The following LTBP2 variants were observed in gnomAD, a reference collection of about 807,000 sequenced individuals.
The protein encoded by LTBP2 is latent-transforming growth factor beta-binding protein 2.
In LTBP2, 103 loss-of-function variants were observed where a neutral mutation model predicts 210.6. The observed-to-expected ratio is 0.49, with a 90% CI of 0.42 to 0.58. The LOEUF is 0.58. Ranked by LOEUF, LTBP2 falls within the 20% of genes least tolerant of loss-of-function variation. The probability of loss-of-function intolerance (pLI) is 0.00; values close to 1 mark genes in which losing one functional copy is unlikely to be tolerated. For synonymous variants in LTBP2, 1,007 were observed against 1,015.0 expected, an observed-to-expected ratio of 0.99 and a Z score of 0.15; for missense variants, 2,313 against 2,494.5, an observed-to-expected ratio of 0.93 and a Z score of 1.55.
At chr14:74,580,362 G>A (rs150614357) in intron 3 of LTBP2, among the ~76,000 whole-genome samples, 1 of 152,316 alleles carries the variant, frequency 6.6e-6, no homozygotes, top group East Asian at 1.9e-4. Context: ...CTTCACACTG[G>A]ATTAGGGAGG....
chr14:74,604,291 C>T (rs1474542379), intron 1 of LTBP2, among the ~76,000 whole-genome samples: 1 of 152,066 alleles, frequency 6.6e-6, no homozygotes, highest in Non-Finnish European at 1.5e-5. Context: ...GAGGTGTTAC[C>T]TGCCAACGAA....
intron 31 of LTBP2, 38 bp from the exon 32 acceptor site, chr14:74,503,644 G>A (rs1566612362): frequency 1.2e-6 from 2 of 1,610,178 alleles, no homozygotes; most frequent in East Asian, 4.5e-5. Flanking sequence ...TGCCAAGGTG[G>A]CCTTTCCACC....
At chr14:74,528,381 A>C in intron 12 of LTBP2, 102 bp downstream of exon 12, 1 of 1,333,610 alleles carries the variant, frequency 7.5e-7, no homozygotes. Context: ...TGCCACAGAG[A>C]TGGGATGCCC....
intron 28 of LTBP2, 34 bp from the exon 29 acceptor site, chr14:74,505,208 A>C (rs748674655): frequency 7.5e-6 from 12 of 1,606,658 alleles, no homozygotes; most frequent in Non-Finnish European, 1.0e-5. Flanking sequence ...CTGTCTGTTC[A>C]TGACCCTCTA....
At position 74,528,998 on chromosome 14, in the gene LTBP2, T is replaced by C. The variant is rs761974448; in HGVS notation, c.2112A>G (p.Ala704=). Residue 704 remains alanine (A), a synonymous_variant, in exon 11 of 36, where the codon GCA becomes GCG. Coordinates refer to ENST00000261978, the MANE Select transcript of LTBP2 (RefSeq NM_000428.3). ...QICCCSRVGK[A]WGSECEKCPL... is the part of the protein sequence containing the mutation. ...GGCATTTCTCACACTCGCTGCCCCA[T>C]GCTTTGCCCACGCGGCTGCAGCAGC... is the stretch of plus-strand genomic sequence containing the variant. The C allele has an allele frequency of 4.4e-6, 7 of 1,608,908 alleles. No individual in the cohort carries two copies. In the African/African-American group the frequency reaches 8.0e-5, roughly 18 times the overall value.
intron 8 of LTBP2, among the ~76,000 whole-genome samples, chr14:74,545,915 G>A (rs902689418): frequency 6.6e-6 from 1 of 152,182 alleles, no homozygotes; most frequent in Non-Finnish European, 1.5e-5. Flanking sequence ...ACTGACTCCC[G>A]GGCCAGCTCT....
At chr14:74,602,586 T>C (rs1427018993) in intron 2 of LTBP2, among the ~76,000 whole-genome samples, 3 of 152,202 alleles carry the variant, frequency 2.0e-5, no homozygotes, top group Non-Finnish European at 4.4e-5. Flanking sequence ...TGATTGTGCT[T>C]CACGTTCCTC....
intron 8 of LTBP2, among the ~76,000 whole-genome samples, chr14:74,537,657 T>C (rs1217946149): frequency 6.6e-6 from 1 of 152,254 alleles, no homozygotes; most frequent in African/African-American, 2.4e-5. Context: ...CTAAAGCTTA[T>C]TGTCATCCAG....
chr14:74,578,313 C>G lies in LTBP2; in HGVS notation c.830+7541G>C, dbSNP rs565492412. Among the ~76,000 whole-genome samples, 8 of 152,332 alleles carry G rather than the reference C, an allele frequency of 5.3e-5. No individual in the cohort carries two copies. In the East Asian group the frequency reaches 1.5e-3, roughly 29 times the overall value. The stretch of plus-strand genomic sequence containing the variant: ...TATTGGACCGACTGTGTGGCAGACA[C>G]CCCGCGAATCGTGCTACATTATTTC... On this transcript the variant is annotated intron_variant, in intron 3 of 35. Coordinates refer to ENST00000261978, the MANE Select transcript of LTBP2 (RefSeq NM_000428.3).
intron 3 of LTBP2, among the ~76,000 whole-genome samples, chr14:74,575,425 C>T (rs192124605): frequency 1.9e-4 from 29 of 152,298 alleles, no homozygotes; most frequent in African/African-American, 6.7e-4. Flanking sequence ...CAGAAAGAAG[C>T]CAGGTCTAGT....
At chr14:74,597,973 C>T (rs1286761860) in intron 2 of LTBP2, among the ~76,000 whole-genome samples, 2 of 152,222 alleles carry the variant, frequency 1.3e-5, no homozygotes, top group Non-Finnish European at 2.9e-5. Flanking sequence ...CGAGGTGCTG[C>T]GCTCACTGCT....
At chr14:74,509,117 CTT>C (rs1467501892) in intron 22 of LTBP2, 119 bp downstream of exon 22, 2 of 1,580,752 alleles carry the variant, frequency 1.3e-6, no homozygotes, top group African/African-American at 2.7e-5. Context: ...GTGAGCGACT[CTT>C]GGGGAGCGGG....
chr14:74,581,440 G>A (rs1447906626), intron 3 of LTBP2, among the ~76,000 whole-genome samples: 1 of 152,158 alleles, frequency 6.6e-6, no homozygotes, highest in African/African-American at 2.4e-5. Context: ...AAGGGAGTGA[G>A]TCAGGGAGAC....
chr14:74,510,328 G>T, intron 19 of LTBP2, 115 bp from the exon 20 acceptor site: 1 of 1,481,230 alleles, frequency 6.8e-7, no homozygotes, highest in Non-Finnish European at 9.2e-7. Flanking sequence ...CAGAGGGGCC[G>T]CAGGCCACCT....
chr14:74,572,339 G>A (rs189287686), intron 3 of LTBP2, among the ~76,000 whole-genome samples: 1 of 151,250 alleles, frequency 6.6e-6, no homozygotes, highest in East Asian at 1.9e-4. Flanking sequence ...GAGAGAGAGA[G>A]AGTGTGTGTG....
intron 3 of LTBP2, among the ~76,000 whole-genome samples, chr14:74,566,685 G>A (rs980374027): frequency 1.3e-5 from 2 of 152,196 alleles, no homozygotes; most frequent in Admixed American, 6.5e-5. Context: ...TGCCTGGCAC[G>A]CTGATAGGGC....
chr14:74,507,520 A>C (rs1393052614), intron 25 of LTBP2, among the ~76,000 whole-genome samples: 5 of 152,236 alleles, frequency 3.3e-5, no homozygotes, highest in Non-Finnish European at 7.3e-5. Flanking sequence ...TTTAGGAAGC[A>C]GTGAGCTCCT....
chr14:74,522,716 C>G lies in LTBP2; in HGVS notation c.2659+74G>C, dbSNP rs1028767237. The G allele has an allele frequency of 7.9e-6, 12 of 1,519,370 alleles. No homozygotes were observed. In the African/African-American group the frequency reaches 1.5e-4, roughly 19 times the overall value. 94.1% of individuals were successfully genotyped at this position (1,519,370 alleles called of 1,614,324 possible). The stretch of plus-strand genomic sequence containing the variant: ...TGGACCTTCTGCTTCTTCCTGGACT[C>G]TCAACTCGGCCTCTTAGCCCCTGCT... On this transcript the variant is annotated intron_variant, in intron 16 of 35. Transcript: ENST00000261978.
intron 35 of LTBP2, 126 bp from the exon 36 acceptor site, chr14:74,501,155 TG>T: frequency 8.0e-7 from 1 of 1,252,880 alleles, no homozygotes. Flanking sequence ...AGCCAGAGGC[TG>T]AAGTCACTTC....
Sources: gnomAD v4.1 joint callset for allele counts (sites outside exome capture counted in the v4.1 genomes callset) on GRCh38, gnomAD v4.1.1 for gene constraint, MANE v1.5 for transcripts, NCBI Gene and HGNC (gene_info 2026-07-23, HGNC 2026-07-21) for gene names.